The following ARVCF variants were observed in gnomAD, a reference collection of about 807,000 sequenced individuals.
ARVCF encodes the protein splicing regulator ARVCF.
A neutral mutation model predicts 90.9 loss-of-function variants in ARVCF; 66 were observed. The ratio of observed to expected loss-of-function variants is 0.73; its 90% CI spans 0.60 to 0.89. The LOEUF is 0.89. ARVCF is among the 40% of genes least tolerant of loss of function. The pLI, the probability that ARVCF is intolerant of heterozygous loss-of-function variation, is 0.00. For missense variants in ARVCF, 1,469 were observed against 1,382.3 expected (o/e 1.06, Z -1.00); for synonymous variants, 653 against 603.4 (o/e 1.08, Z -1.21).
At chr22:20,010,843 T>C (rs1380862902) in intron 1 of ARVCF, among the ~76,000 whole-genome samples, 2 of 151,912 alleles carry the variant, frequency 1.3e-5, no homozygotes, top group East Asian at 1.9e-4. Flanking sequence ...CACCCCAGGG[T>C]AGCCAGGCTC....
rs777096386 is a variant in ARVCF at position 19,972,839 on chromosome 22, AAC to A, written c.2551-14_2551-13del. 4 of 1,613,668 alleles carry A rather than the reference AAC, an allele frequency of 2.5e-6. No homozygotes were observed. Among genetic ancestry groups the A allele is most frequent in the South Asian group, 1.1e-5 (1 of 91,072 alleles). On this transcript the variant is annotated splice_polypyrimidine_tract_variant and intron_variant, in intron 15 of 19. Coordinates refer to ENST00000263207, the MANE Select transcript of ARVCF (RefSeq NM_001670.3). ...GTAGCAGCAGCTGACTGAGACATAAAACACAGACACAGGGTGGGTGAAGCACA... is the reference window on the plus strand; with the variant it reads ...GTAGCAGCAGCTGACTGAGACATAAAACAGACACAGGGTGGGTGAAGCACA...
intron 13 of ARVCF, 59 bp from the exon 14 acceptor site, chr22:19,973,376 A>G: frequency 5.3e-6 from 8 of 1,520,856 alleles, no homozygotes; most frequent in Non-Finnish European, 5.3e-6. Context: ...AGGAAGGAGC[A>G]GGGATCCCGC....
At chr22:19,998,723 C>A (rs1944342976) in intron 2 of ARVCF, among the ~76,000 whole-genome samples, 1 of 152,200 alleles carries the variant, frequency 6.6e-6, no homozygotes, top group African/African-American at 2.4e-5. Context: ...AGGATGGCTG[C>A]AGGAACAGTG....
Position 19,982,077 on chromosome 22 carries a change from G to A in ARVCF, c.225C>T (p.Gly75=). 1 of 1,611,840 alleles carries A rather than the reference G, an allele frequency of 6.2e-7. No individual in the cohort carries two copies. The highest frequency in any genetic ancestry group is 1.1e-5 in the South Asian group (1 of 91,068). The change falls in exon 4 of 20, where the codon GGC becomes GGT. Residue 75 remains glycine (G), a synonymous_variant. Transcript: ENST00000263207. ...QQLVLQEQSP[G]SQASLATMPE... is the part of the protein sequence containing the mutation. ...GCATCGTGGCCAGTGAGGCCTGGCT[G>A]CCTGGGCTCTGCTCCTGGGGCAAGG...
chr22:19,979,789 G>T lies in ARVCF; in HGVS notation c.1350C>A (p.Arg450=), dbSNP rs201333127. Residue 450 remains arginine (R), a synonymous_variant, in exon 6 of 20, where the codon CGC becomes CGA. Coordinates refer to ENST00000263207, the MANE Select transcript of ARVCF (RefSeq NM_001670.3). ...CGTTGTCCCGGGCAGCCCTCAGCAG[G>T]CGCACCAGGGCAGGCACACCACCGC... is the stretch of plus-strand genomic sequence containing the variant. ...RDCGGVPALV[R]LLRAARDNEV... is the part of the protein sequence containing the mutation. 3.7e-5 allele frequency: 59 copies of T among 1,608,454 alleles called. No homozygotes were observed. The East Asian group carries it at 1.2e-3, about 34-fold the overall frequency.
intron 19 of ARVCF, 36 bp from the exon 20 acceptor site, chr22:19,970,779 ACT>A: frequency 7.7e-7 from 1 of 1,292,620 alleles, no homozygotes; most frequent in Non-Finnish European, 1.0e-6. Flanking sequence ...CGCTGCAGCC[ACT>A]GAGTGGCACA....
Position 19,981,376 on chromosome 22 carries a change from GGCCCA to G in ARVCF, c.726_730del (p.Gly243ThrfsTer20), listed in dbSNP as rs768824268. On this transcript the variant is annotated frameshift_variant, in exon 5 of 20. Coordinates refer to ENST00000263207, the MANE Select transcript of ARVCF (RefSeq NM_001670.3). LOFTEE classifies it high-confidence loss of function. ...CTCGGGCAGGGAGCGGCCACCTGGTGGCCCAGGCTCAGGACCCACCGGGAAGGCTT... is the reference window on the plus strand; with the variant it reads ...CTCGGGCAGGGAGCGGCCACCTGGTGGGCTCAGGACCCACCGGGAAGGCTT... 33 of 1,601,570 alleles carry G rather than the reference GGCCCA, an allele frequency of 2.1e-5. No homozygotes were observed. Among genetic ancestry groups the G allele is most frequent in the Non-Finnish European group, 1.7e-6 (2 of 1,175,582 alleles).
At chr22:20,012,457 A>G (rs1177630019) in intron 1 of ARVCF, among the ~76,000 whole-genome samples, 2 of 152,266 alleles carry the variant, frequency 1.3e-5, no homozygotes, top group African/African-American at 4.8e-5. Context: ...ATGTGAAGGC[A>G]GAACTAGTGA....
chr22:20,006,170 A>G (rs1944617741), intron 2 of ARVCF, among the ~76,000 whole-genome samples: 1 of 152,230 alleles, frequency 6.6e-6, no homozygotes. Context: ...AAGTTCTGAA[A>G]TTGGTTGCAC....
At chr22:19,967,393 ATTTT>A (rs61143203), downstream of ARVCF, 11 of 434,244 alleles carry the variant, frequency 2.5e-5, no homozygotes, top group African/African-American at 2.4e-4. Context: ...TTGCTAGGAC[ATTTT>A]TTTTTTTTTC....
rs936324177 is a variant in ARVCF, at chr22:19,989,079, G to A, written c.210+1506C>T. ...CTGAGCACACTGGCGCCTGAGAGGC[G>A]GCCTCGGGGTCACTGGCTTCCACTG... On this transcript the variant is annotated intron_variant, in intron 3 of 19. Transcript: ENST00000263207. Among the ~76,000 whole-genome samples, 5 of 152,178 alleles carry A rather than the reference G, an allele frequency of 3.3e-5. No homozygotes were observed. In the South Asian group the frequency reaches 6.2e-4, roughly 19 times the overall value.
chr22:20,015,529 C>T (rs1945030200), intron 1 of ARVCF, among the ~76,000 whole-genome samples: 1 of 152,136 alleles, frequency 6.6e-6, no homozygotes, highest in Non-Finnish European at 1.5e-5. Context: ...TTGTTTGGAC[C>T]AGACCTCTAA....
Position 19,981,202 on chromosome 22 carries a change from G to A in ARVCF, c.896+9C>T, listed in dbSNP as rs1340831125. On this transcript the variant is annotated intron_variant, in intron 5 of 19. Transcript: ENST00000263207. Reference sequence around the variant, plus strand: ...AGGAGGTAGCCACAGGGGACGGGGTGCAGCTCACCTGGTATGAAGGCCCCG... The same window carrying A: ...AGGAGGTAGCCACAGGGGACGGGGTACAGCTCACCTGGTATGAAGGCCCCG... The A allele has an allele frequency of 2.0e-6, 3 of 1,522,680 alleles. No homozygotes were observed. Among genetic ancestry groups the A allele is most frequent in the Non-Finnish European group, 2.7e-6 (3 of 1,131,574 alleles). The allele number at this position is 1,522,680 out of a possible 1,614,324, so 94.3% of individuals were successfully genotyped here.
In ARVCF at chr22:19,972,975, C is replaced by T. The variant is rs776459604; in HGVS notation, c.2500G>A (p.Glu834Lys). 5 of 1,613,766 alleles carry T rather than the reference C, an allele frequency of 3.1e-6. No homozygotes were observed. The highest frequency in any genetic ancestry group is 1.3e-5 in the African/African-American group (1 of 75,062). Residue 834 changes from glutamate (E) to lysine (K), a missense_variant, in exon 15 of 20, where the codon GAG (glutamate) becomes AAG (lysine). Glu to Lys is a moderately conservative substitution (Grantham distance 56). Transcript: ENST00000263207. ...TCTTTCTGCAAGGTACCACGCAGCT[C>T]CTTGTAGCTCCACACTGTCTGCAGC... ...HVLQTVWSYK[E>K]LRGTLQKDGW...
At chr22:19,969,882 C>T (rs1220223695), downstream of ARVCF, 6 of 985,304 alleles carry the variant, frequency 6.1e-6, no homozygotes, top group East Asian at 3.4e-4. Context: ...ACCTGAGTGG[C>T]AGAAAGCAAA....
chr22:20,014,066 G>T (rs931401717), intron 1 of ARVCF, among the ~76,000 whole-genome samples: 1 of 134,850 alleles, frequency 7.4e-6, no homozygotes, highest in African/African-American at 4.0e-5. Flanking sequence ...AGTAGAAACA[G>T]GGTTTCACCA....
chr22:19,986,837 C>T (rs1943798072), intron 3 of ARVCF, among the ~76,000 whole-genome samples: 1 of 152,144 alleles, frequency 6.6e-6, no homozygotes, highest in African/African-American at 2.4e-5. Flanking sequence ...CCAGGCCCCG[C>T]GGATGGGCTC....
rs1168483003 is a variant in ARVCF, at chr22:19,973,767, C to G, written c.2115G>C (p.Val705=). 1 of 1,607,070 alleles carries G rather than the reference C, an allele frequency of 6.2e-7. No homozygotes were observed. The highest frequency in any genetic ancestry group is 1.3e-5 in the African/African-American group (1 of 74,958). The change falls in exon 13 of 20, where the codon GTG becomes GTC. Residue 705 remains valine, a synonymous_variant. Transcript: ENST00000263207. ...WMWATYIRAT[V]RKERGLPVLV... is the part of the protein sequence containing the mutation. ...GCACCGGCAGCCCGCGCTCTTTGCG[C>G]ACTGTGGCGCGGATGTACGTGGCCC...
chr22:19,972,934 C>A lies in ARVCF; in HGVS notation c.2541G>T (p.Ala847=), dbSNP rs1169282767. The change falls in exon 15 of 20, where the codon GCG becomes GCT. Residue 847 remains alanine (A), a synonymous_variant. Transcript: ENST00000263207. ...GCCAGGGAAGCCGCACCTGGAAGCGCGCCTTGGTCCAACCATCTTTCTGCA... is the reference window on the plus strand; with the variant it reads ...GCCAGGGAAGCCGCACCTGGAAGCGAGCCTTGGTCCAACCATCTTTCTGCA... ...GTLQKDGWTK[A]RFQSAAATAK... 6.2e-7 allele frequency: 1 copy of A among 1,613,840 alleles called. No individual in the cohort carries two copies. The highest frequency in any genetic ancestry group is 8.5e-7 in the Non-Finnish European group (1 of 1,180,020).
Sources: gnomAD v4.1 joint callset for allele counts (sites outside exome capture counted in the v4.1 genomes callset) on GRCh38, gnomAD v4.1.1 for gene constraint, MANE v1.5 for transcripts, NCBI Gene and HGNC (gene_info 2026-07-23, HGNC 2026-07-21) for gene names.